Variants in SLC17A6 observed in about 807,000 individuals in gnomAD.
SLC17A6 encodes solute carrier family 17 member 6.
Under a neutral mutation model 67.1 loss-of-function variants are expected in SLC17A6, and 35 were observed. That is an observed-to-expected ratio of 0.52 (90% confidence interval 0.40 to 0.69). SLC17A6 has a LOEUF of 0.69. Among genes scored for constraint, SLC17A6 ranks in the 30% least tolerant of loss-of-function variants. The probability of loss-of-function intolerance (pLI) is 0.00; values close to 1 mark genes in which losing one functional copy is unlikely to be tolerated. For synonymous variants in SLC17A6, 285 were observed against 252.3 expected, an observed-to-expected ratio of 1.13 and a Z score of -1.23; for missense variants, 588 against 723.9, an observed-to-expected ratio of 0.81 and a Z score of 2.15.
At chr11:22,362,025 AC>A (rs1366116138) in intron 5 of SLC17A6, among the ~76,000 whole-genome samples, 4 of 151,066 alleles carry the variant, frequency 2.6e-5, no homozygotes, top group Admixed American at 2.0e-4. Context: ...TATGTCTAAG[AC>A]CTTTTTTTTT....
chr11:22,346,123 C>T (rs1188022444), intron 3 of SLC17A6, among the ~76,000 whole-genome samples: 2 of 152,096 alleles, frequency 1.3e-5, no homozygotes. Flanking sequence ...ATTTCCTTTG[C>T]ATGTGATATT....
At chr11:22,339,720 T>C (rs1268473993) in intron 1 of SLC17A6, among the ~76,000 whole-genome samples, 1 of 152,120 alleles carries the variant, frequency 6.6e-6, no homozygotes, top group African/African-American at 2.4e-5. Context: ...ACTCCCAGAT[T>C]TTCCAAATCT....
intron 3 of SLC17A6, among the ~76,000 whole-genome samples, chr11:22,352,502 G>A (rs1855951660): frequency 6.6e-6 from 1 of 152,208 alleles, no homozygotes; most frequent in African/African-American, 2.4e-5. Context: ...AGAAGAGGAA[G>A]TTATAATTAC....
chr11:22,362,885 G>C, intron 6 of SLC17A6, 60 bp downstream of exon 6: 2 of 1,301,378 alleles, frequency 1.5e-6, no homozygotes, highest in South Asian at 1.2e-5. Flanking sequence ...AAAGAAAATG[G>C]TTGCAGACAA....
At chr11:22,362,875 A>G in intron 6 of SLC17A6, 50 bp downstream of exon 6, 1 of 1,407,290 alleles carries the variant, frequency 7.1e-7, no homozygotes, top group Non-Finnish European at 1.0e-6. Context: ...GCATAGGCTA[A>G]AAGAAAATGG....
intron 3 of SLC17A6, among the ~76,000 whole-genome samples, chr11:22,348,178 A>G (rs183627305): frequency 6.6e-6 from 1 of 152,166 alleles, no homozygotes; most frequent in East Asian, 1.9e-4. Context: ...ATGGCAAGGT[A>G]CCTTTACAAT....
chr11:22,343,589 C>T (rs1380080688), intron 3 of SLC17A6, among the ~76,000 whole-genome samples: 1 of 152,172 alleles, frequency 6.6e-6, no homozygotes, highest in African/African-American at 2.4e-5. Context: ...CACGCGGCCT[C>T]CTTCCCTCTG....
intron 10 of SLC17A6, 139 bp downstream of exon 10, chr11:22,376,231 A>C: frequency 1.7e-6 from 1 of 577,482 alleles, no homozygotes; most frequent in Non-Finnish European, 2.8e-6. Flanking sequence ...TTTCCACTAG[A>C]AAATGAAAAA....
At chr11:22,375,883 G>A (rs1590396275) in intron 9 of SLC17A6, 99 bp from the exon 10 acceptor site, 1 of 676,892 alleles carries the variant, frequency 1.5e-6, no homozygotes, top group Admixed American at 2.4e-5. Context: ...CTCTGAAGTG[G>A]AATTTCTAGG....
intron 3 of SLC17A6, among the ~76,000 whole-genome samples, chr11:22,357,562 G>T (rs2665696): frequency 0.07 from 10,646 of 152,020 alleles, 1,269 homozygotes; most frequent in African/African-American, 0.24. Flanking sequence ...GGTTATCTAC[G>T]CCCAAATTTC....
intron 1 of SLC17A6, among the ~76,000 whole-genome samples, chr11:22,339,908 GAA>G (rs11322834): frequency 2.6e-4 from 39 of 149,602 alleles, no homozygotes; most frequent in Admixed American, 1.1e-3. Context: ...TGCAGGAAAT[GAA>G]AAAAAAAAAC....
intron 3 of SLC17A6, among the ~76,000 whole-genome samples, chr11:22,358,880 C>T (rs1856018575): frequency 6.6e-6 from 1 of 152,100 alleles, no homozygotes; most frequent in Non-Finnish European, 1.5e-5. Flanking sequence ...ATTTAAAATA[C>T]GAGTTCATTT....
At chr11:22,349,664 C>A (rs1855916619) in intron 3 of SLC17A6, among the ~76,000 whole-genome samples, 1 of 152,154 alleles carries the variant, frequency 6.6e-6, no homozygotes, top group Admixed American at 6.5e-5. Context: ...TAGAGTGATG[C>A]TCCTACTGCC....
intron 8 of SLC17A6, among the ~76,000 whole-genome samples, chr11:22,372,288 C>CAT (rs560568572): frequency 6.6e-6 from 1 of 150,858 alleles, no homozygotes; most frequent in Non-Finnish European, 1.5e-5. Flanking sequence ...CTGAGATATA[C>CAT]ATATATATAT....
intron 2 of SLC17A6, 25 bp from the exon 3 acceptor site, chr11:22,343,222 A>C: frequency 3.2e-6 from 5 of 1,585,970 alleles, no homozygotes; most frequent in Non-Finnish European, 4.3e-6. Context: ...CTTTCCCTTC[A>C]CACTTTTTTC....
At chr11:22,372,462 G>A (rs1856184602) in intron 8 of SLC17A6, among the ~76,000 whole-genome samples, 1 of 151,418 alleles carries the variant, frequency 6.6e-6, no homozygotes, top group South Asian at 2.1e-4. Flanking sequence ...CCTTGAAAAT[G>A]GCATATCAGC....
At chr11:22,375,014 T>C (rs879003744) in intron 9 of SLC17A6, 127 bp downstream of exon 9, 2 of 917,338 alleles carry the variant, frequency 2.2e-6, no homozygotes, top group African/African-American at 3.4e-5. Flanking sequence ...CATTATTCAC[T>C]TAAAATAACT....
At chr11:22,361,599 T>C (rs999439025) in intron 5 of SLC17A6, among the ~76,000 whole-genome samples, 1 of 152,174 alleles carries the variant, frequency 6.6e-6, no homozygotes, top group African/African-American at 2.4e-5. Flanking sequence ...GGAACTTTTA[T>C]TTTTGGGATC....
At chr11:22,371,658 G>T (rs1856176974) in intron 8 of SLC17A6, among the ~76,000 whole-genome samples, 1 of 151,800 alleles carries the variant, frequency 6.6e-6, no homozygotes, top group Non-Finnish European at 1.5e-5. Flanking sequence ...TGGTCATTTT[G>T]GTCCTGTAGC....
Sources: allele counts gnomAD v4.1 joint callset (sites outside exome capture counted in the v4.1 genomes callset), GRCh38; gene constraint gnomAD v4.1.1; transcripts MANE v1.5; gene names NCBI Gene and HGNC (gene_info 2026-07-23, HGNC 2026-07-21).